The following ARB2A variants were observed in gnomAD, a reference collection of about 807,000 sequenced individuals.
ARB2A encodes cotranscriptional regulator ARB2A.
At chr5:93,620,624 T>G in the ARB2A span, 1 of 188,666 alleles carries the variant, frequency 5.3e-6, no homozygotes, top group African/African-American at 2.3e-5. Flanking sequence ...GCGGCTCCGC[T>G]ACGGCGGGCG....
chr5:94,063,824 C>A, the ARB2A span, among the ~76,000 whole-genome samples: 39 of 151,992 alleles, frequency 2.6e-4, no homozygotes, highest in Non-Finnish European at 4.3e-4. Flanking sequence ...CTCTACTCAA[C>A]CAACACCATA....
At chr5:93,761,050 AG>A in the ARB2A span, among the ~76,000 whole-genome samples, 1 of 152,142 alleles carries the variant, frequency 6.6e-6, no homozygotes, top group East Asian at 1.9e-4. Flanking sequence ...CAAACAAATC[AG>A]TAAGGAAAAA....
chr5:93,672,281 T>C, the ARB2A span, among the ~76,000 whole-genome samples: 2 of 152,074 alleles, frequency 1.3e-5, no homozygotes, highest in Non-Finnish European at 2.9e-5. Flanking sequence ...CTTAAAAAAG[T>C]AGTGATAGAA....
chr5:94,040,539 T>C, the ARB2A span, among the ~76,000 whole-genome samples: 2 of 131,176 alleles, frequency 1.5e-5, no homozygotes, highest in African/African-American at 5.7e-5. Context: ...GTATGTGATA[T>C]TCCCCTTCCT....
At chr5:93,621,087 G>C in the ARB2A span, 1 of 1,612,404 alleles carries the variant, frequency 6.2e-7, no homozygotes, top group Non-Finnish European at 8.5e-7. Context: ...TTTGAAAATA[G>C]ACGGAAAGCT....
At chr5:93,923,386 C>A in the ARB2A span, among the ~76,000 whole-genome samples, 9 of 151,910 alleles carry the variant, frequency 5.9e-5, no homozygotes, top group Non-Finnish European at 1.2e-4. Flanking sequence ...TGCATATAAC[C>A]CCTTAACTCC....
chr5:93,974,587 T>C, the ARB2A span, among the ~76,000 whole-genome samples: 4 of 152,110 alleles, frequency 2.6e-5, no homozygotes, highest in African/African-American at 7.2e-5. Context: ...ATTTGACACT[T>C]AATTAATTGA....
the ARB2A span, chr5:93,805,592 C>A: frequency 1.0e-6 from 1 of 985,118 alleles, no homozygotes; most frequent in Non-Finnish European, 1.2e-6. Flanking sequence ...AGGTCACAAT[C>A]CTTTATTTCT....
the ARB2A span, among the ~76,000 whole-genome samples, chr5:93,990,196 C>A: frequency 2.8e-3 from 423 of 152,094 alleles, 4 homozygotes; most frequent in African/African-American, 9.4e-3. Context: ...GGGGAAAAAT[C>A]AGGTAGACTG....
the ARB2A span, among the ~76,000 whole-genome samples, chr5:94,095,942 G>A: frequency 6.6e-6 from 1 of 151,742 alleles, no homozygotes; most frequent in East Asian, 1.9e-4. Flanking sequence ...TCTTATCCCC[G>A]TTCAGCCAAT....
the ARB2A span, chr5:94,050,739 G>C: frequency 1.9e-6 from 3 of 1,601,960 alleles, no homozygotes; most frequent in African/African-American, 2.7e-5. Context: ...ACCTCTCCTA[G>C]AGCCTCGTAT....
chr5:93,889,169 T>C, the ARB2A span, among the ~76,000 whole-genome samples: 14 of 151,934 alleles, frequency 9.2e-5, no homozygotes, highest in East Asian at 2.7e-3. Context: ...CCAGGCTAAC[T>C]AGATTTTCAA....
At chr5:94,004,809 T>G in the ARB2A span, among the ~76,000 whole-genome samples, 6 of 151,324 alleles carry the variant, frequency 4.0e-5, no homozygotes, top group East Asian at 1.9e-4. Context: ...TTATTTGTGT[T>G]TCTATTTAAA....
chr5:94,012,201 G>C, the ARB2A span, among the ~76,000 whole-genome samples: 1 of 152,110 alleles, frequency 6.6e-6, no homozygotes, highest in African/African-American at 2.4e-5. Context: ...AGGAGATCAA[G>C]ACCATCCTGG....
At chr5:94,022,956 A>C in the ARB2A span, among the ~76,000 whole-genome samples, 12 of 152,224 alleles carry the variant, frequency 7.9e-5, no homozygotes, top group African/African-American at 2.7e-4. Flanking sequence ...AGGAGGATAC[A>C]AGTATGACCA....
At chr5:93,683,202 C>CA in the ARB2A span, 1 of 1,331,874 alleles carries the variant, frequency 7.5e-7, no homozygotes. Context: ...TCATCTTCAT[C>CA]ATCATCCTCT....
the ARB2A span, among the ~76,000 whole-genome samples, chr5:93,749,871 G>A: frequency 6.6e-6 from 1 of 152,170 alleles, no homozygotes; most frequent in Non-Finnish European, 1.5e-5. Context: ...AAAAAAGGGT[G>A]TTGGTGAACT....
the ARB2A span, among the ~76,000 whole-genome samples, chr5:93,721,735 A>G: frequency 1.3e-5 from 2 of 152,302 alleles, no homozygotes; most frequent in Non-Finnish European, 2.9e-5. Flanking sequence ...ATCCAAGACC[A>G]AAGTCCAAAG....
At chr5:93,664,993 A>AT in the ARB2A span, among the ~76,000 whole-genome samples, 20 of 152,052 alleles carry the variant, frequency 1.3e-4, no homozygotes, top group African/African-American at 4.3e-4. Context: ...TGCCTGGCTA[A>AT]TTTTTGTATT....
Sources: gnomAD v4.1 joint callset for allele counts (sites outside exome capture counted in the v4.1 genomes callset) on GRCh38, gnomAD v4.1.1 for gene constraint, MANE v1.5 for transcripts, NCBI Gene and HGNC (gene_info 2026-07-23, HGNC 2026-07-21) for gene names.